Variants in LRRC8D observed in about 807,000 individuals in gnomAD.
LRRC8D encodes volume-regulated anion channel subunit LRRC8D.
Under a neutral mutation model 55.8 loss-of-function variants are expected in LRRC8D, and 20 were observed. The ratio of observed to expected loss-of-function variants is 0.36; its 90% CI spans 0.25 to 0.52. The LOEUF (loss-of-function observed/expected upper bound fraction) is 0.52. Ranked by LOEUF, LRRC8D falls within the 20% of genes least tolerant of loss-of-function variation. The pLI is 0.93. For synonymous variants in LRRC8D, 352 were observed against 377.0 expected (o/e 0.93, Z 0.77); for missense variants, 651 against 1,030.8 (o/e 0.63, Z 5.05).
At chr1:89,919,612 A>G (rs1415640300) in intron 2 of LRRC8D, among the ~76,000 whole-genome samples, 2 of 152,220 alleles carry the variant, frequency 1.3e-5, no homozygotes, top group African/African-American at 4.8e-5. Context: ...AAATCCTACT[A>G]ACTGTCTCAT....
intron 2 of LRRC8D, among the ~76,000 whole-genome samples, chr1:89,877,489 AT>A (rs1324189073): frequency 3.9e-5 from 6 of 152,102 alleles, no homozygotes; most frequent in African/African-American, 1.2e-4. Flanking sequence ...TTATTTCATG[AT>A]TTTTTGTGGC....
chr1:89,931,329 A>T (rs1663700157), intron 2 of LRRC8D, among the ~76,000 whole-genome samples: 1 of 151,958 alleles, frequency 6.6e-6, no homozygotes, highest in Admixed American at 6.6e-5. Flanking sequence ...GCAGAATCAA[A>T]GTACTAATGC....
At chr1:89,851,082 GTCTTT>G (rs1287217215) in intron 2 of LRRC8D, among the ~76,000 whole-genome samples, 53 of 125,190 alleles carry the variant, frequency 4.2e-4, no homozygotes, top group South Asian at 5.4e-4. Context: ...TTTTTTTTTT[GTCTTT>G]TCTTTTCTTC....
intron 2 of LRRC8D, among the ~76,000 whole-genome samples, chr1:89,931,596 T>TA (rs1490326821): frequency 6.6e-6 from 1 of 151,938 alleles, no homozygotes; most frequent in African/African-American, 2.4e-5. Flanking sequence ...CTGTCTCTAC[T>TA]AAAAATACAA....
At chr1:89,860,755 T>TC (rs1661684164) in intron 2 of LRRC8D, among the ~76,000 whole-genome samples, 1 of 5,826 alleles carries the variant, frequency 1.7e-4, no homozygotes, top group Non-Finnish European at 2.7e-4. Context: ...AGACTCTATC[T>TC]CAAAAAAAAA....
intron 2 of LRRC8D, among the ~76,000 whole-genome samples, chr1:89,869,138 C>G (rs1211055248): frequency 6.6e-6 from 1 of 152,076 alleles, no homozygotes; most frequent in African/African-American, 2.4e-5. Flanking sequence ...AGCTCCTGAC[C>G]TCAGGTGATC....
At position 89,864,910 on chromosome 1, in the gene LRRC8D, T is replaced by G. The variant is rs373402117; in HGVS notation, c.-3+21128T>G. On this transcript the variant is annotated intron_variant, in intron 2 of 2. Transcript: ENST00000337338. ...AGGGTATGTCTGATGTCTAGCACAC[T>G]TTTTCCCCTTCTGCTCCTTCACTTT... Among the ~76,000 whole-genome samples, 16 of 152,322 alleles carry G rather than the reference T, an allele frequency of 1.1e-4. 1 individual carries two copies. The highest frequency in any genetic ancestry group is 3.9e-4 in the Admixed American group (6 of 15,304).
chr1:89,836,580 G>C (rs936802904), intron 1 of LRRC8D, among the ~76,000 whole-genome samples: 1 of 152,210 alleles, frequency 6.6e-6, no homozygotes, highest in African/African-American at 2.4e-5. Context: ...ATTTCCCATG[G>C]AACTTTACTG....
intron 2 of LRRC8D, among the ~76,000 whole-genome samples, chr1:89,857,382 CAAA>C (rs759975883): frequency 6.3e-5 from 4 of 63,036 alleles, no homozygotes; most frequent in Admixed American, 1.8e-4. Context: ...AACTCCATCT[CAAA>C]AAAAAAAAAA....
chr1:89,853,010 CT>C (rs1348314400), intron 2 of LRRC8D, among the ~76,000 whole-genome samples: 9 of 152,290 alleles, frequency 5.9e-5, no homozygotes, highest in African/African-American at 2.2e-4. Flanking sequence ...GTTGCAATCA[CT>C]GTTTTCAGAT....
intron 2 of LRRC8D, among the ~76,000 whole-genome samples, chr1:89,925,714 C>G (rs1203799607): frequency 6.6e-6 from 1 of 152,216 alleles, no homozygotes. Context: ...TTTCAAAGTG[C>G]TTGTGCATCT....
chr1:89,916,249 T>C (rs1432731868), intron 2 of LRRC8D, among the ~76,000 whole-genome samples: 1 of 152,256 alleles, frequency 6.6e-6, no homozygotes, highest in Non-Finnish European at 1.5e-5. Context: ...TCCAGTTAAA[T>C]GTCCTATCAG....
At position 89,855,237 on chromosome 1, in the gene LRRC8D, A is replaced by G. The variant is rs991004964; in HGVS notation, c.-3+11455A>G. Among the ~76,000 whole-genome samples the G allele has an allele frequency of 2.0e-5, 3 of 152,146 alleles. No homozygotes were observed. The South Asian group carries it at 6.2e-4, about 32-fold the overall frequency. ...CACTGCACCTTGAATGTCTTTGCCT[A>G]TAGATTTTGAAGGATTTCATCACTC... is the stretch of plus-strand genomic sequence containing the variant. On this transcript the variant is annotated intron_variant, in intron 2 of 2. Transcript: ENST00000337338.
intron 2 of LRRC8D, among the ~76,000 whole-genome samples, chr1:89,857,142 G>A (rs1051877136): frequency 6.6e-6 from 1 of 152,096 alleles, no homozygotes; most frequent in Non-Finnish European, 1.5e-5. Context: ...TCAGCATTTT[G>A]GGAGGTGAGG....
chr1:89,931,694 G>A (rs992087479), intron 2 of LRRC8D, among the ~76,000 whole-genome samples: 4 of 152,136 alleles, frequency 2.6e-5, no homozygotes, highest in Admixed American at 2.6e-4. Context: ...AGGAGGCAGA[G>A]GTTGCAGTGA....
At chr1:89,830,763 C>T (rs1466081165) in intron 1 of LRRC8D, among the ~76,000 whole-genome samples, 1 of 152,148 alleles carries the variant, frequency 6.6e-6, no homozygotes, top group Non-Finnish European at 1.5e-5. Flanking sequence ...TAAAGGTTGG[C>T]TAATTCAACA....
At chr1:89,906,768 AAG>A (rs1415950337) in intron 2 of LRRC8D, among the ~76,000 whole-genome samples, 3 of 152,160 alleles carry the variant, frequency 2.0e-5, no homozygotes, top group Admixed American at 1.3e-4. Flanking sequence ...GGCACTGGAT[AAG>A]AACTGGAGTA....
intron 2 of LRRC8D, among the ~76,000 whole-genome samples, chr1:89,848,372 C>T (rs2100758960): frequency 6.6e-6 from 1 of 152,154 alleles, no homozygotes; most frequent in East Asian, 1.9e-4. Context: ...TTAACCTTTA[C>T]AATTTGTGGT....
At chr1:89,835,721 C>T (rs1660990466) in intron 1 of LRRC8D, among the ~76,000 whole-genome samples, 1 of 152,050 alleles carries the variant, frequency 6.6e-6, no homozygotes, top group African/African-American at 2.4e-5. Context: ...TAATATTTAC[C>T]TCCTAGGGTT....
Sources: allele counts gnomAD v4.1 joint callset (sites outside exome capture counted in the v4.1 genomes callset), GRCh38; gene constraint gnomAD v4.1.1; transcripts MANE v1.5; gene names NCBI Gene and HGNC (gene_info 2026-07-23, HGNC 2026-07-21).